Variants in NTPCR observed in about 807,000 individuals in gnomAD.
The protein encoded by NTPCR is nucleoside-triphosphatase, cancer-related, also known as cancer-related nucleoside-triphosphatase.
NTPCR carries 15 observed loss-of-function variants against 19.5 expected under a neutral mutation model. The observed-to-expected ratio is 0.77, with a 90% CI of 0.51 to 1.18. The LOEUF (loss-of-function observed/expected upper bound fraction) is 1.18. NTPCR is among the 50% of genes most tolerant of loss of function. The probability of loss-of-function intolerance (pLI) is 0.00; values close to 1 mark genes in which losing one functional copy is unlikely to be tolerated. For synonymous variants in NTPCR, 90 were observed against 95.8 expected (o/e 0.94, Z 0.36); for missense variants, 206 against 240.4 (o/e 0.86, Z 0.95).
At chr1:232,956,697 AAAGAT>A (rs1668521081) in intron 3 of NTPCR, among the ~76,000 whole-genome samples, 1 of 152,194 alleles carries the variant, frequency 6.6e-6, no homozygotes, top group African/African-American at 2.4e-5. Flanking sequence ...CAACATTCCC[AAAGAT>A]AAGTCTTTCC....
chr1:232,965,279 G>T (rs1441849501), intron 3 of NTPCR: 2 of 152,236 alleles, frequency 1.3e-5, no homozygotes, highest in African/African-American at 4.8e-5. Context: ...ATCAAAGTGT[G>T]GAGGCGTATT....
In NTPCR at chr1:232,960,113, C is replaced by T. The variant is rs1484825002; in HGVS notation, c.294+3670C>T. Among the ~76,000 whole-genome samples, 3 of 146,658 alleles carry T rather than the reference C, an allele frequency of 2.0e-5. No homozygotes were observed. In the Admixed American group the frequency reaches 2.1e-4, roughly 10 times the overall value. ...GCCCGTGTCCCAGGTACTCAGGAGG[C>T]TGAAGCAGGAGAATCGCTTGAACCC... On this transcript the variant is annotated intron_variant, in intron 3 of 4. Transcript: ENST00000366628.
At chr1:232,951,481 C>G (rs2102733393) in intron 1 of NTPCR, among the ~76,000 whole-genome samples, 2 of 152,042 alleles carry the variant, frequency 1.3e-5, no homozygotes, top group East Asian at 3.9e-4. Context: ...GCTTTTAAAC[C>G]AAGGCGCTAC....
intron 4 of NTPCR, 87 bp downstream of exon 4, chr1:232,970,205 G>A: frequency 9.0e-7 from 1 of 1,116,754 alleles, no homozygotes; most frequent in Non-Finnish European, 1.3e-6. Flanking sequence ...CTTTGGTTTT[G>A]AGTTAACATT....
intron 4 of NTPCR, among the ~76,000 whole-genome samples, chr1:232,971,067 G>A (rs989358431): frequency 1.3e-5 from 2 of 152,230 alleles, no homozygotes; most frequent in African/African-American, 2.4e-5. Flanking sequence ...TGAGCCAGTC[G>A]GAAGGGACTC....
Position 232,983,783 on chromosome 1 carries a change from G to T in NTPCR, c.*5552G>T, listed in dbSNP as rs1669349260. On this transcript the variant is annotated 3_prime_UTR_variant, in exon 5 of 5. Coordinates refer to ENST00000366628, the MANE Select transcript of NTPCR (RefSeq NM_032324.3). ...AGAAATAGGGTTTTCTTGACACTTA[G>T]ATTTAACCTTAATGCATCTGCCCAG... 6.6e-6 allele frequency: 1 copy of T among 152,188 alleles called. No individual in the cohort carries two copies. The highest frequency in any genetic ancestry group is 1.5e-5 in the Non-Finnish European group (1 of 68,034). The allele number at this position is 152,188 out of a possible 1,614,324, so 9.4% of individuals were successfully genotyped here.
At chr1:232,960,638 A>AC (rs1668644052) in intron 3 of NTPCR, among the ~76,000 whole-genome samples, 1 of 152,104 alleles carries the variant, frequency 6.6e-6, no homozygotes, top group African/African-American at 2.4e-5. Context: ...CACTGTGCCT[A>AC]GCCTGGTTAC....
chr1:232,965,150 GT>G (rs1241435417), intron 3 of NTPCR: 2 of 152,132 alleles, frequency 1.3e-5, no homozygotes, highest in African/African-American at 4.8e-5. Context: ...ATAAATTGAG[GT>G]TTTGTGCCTA....
At chr1:232,971,764 G>A (rs1488373321) in intron 4 of NTPCR, among the ~76,000 whole-genome samples, 1 of 152,174 alleles carries the variant, frequency 6.6e-6, no homozygotes, top group African/African-American at 2.4e-5. Context: ...GTTGGGGGCA[G>A]GAGTAGCAAG....
rs1311714043 is a variant in NTPCR at position 232,980,762 on chromosome 1, TC to T, written c.*2535del. 3 of 151,996 alleles carry T rather than the reference TC, an allele frequency of 2.0e-5. No individual in the cohort carries two copies. Among genetic ancestry groups the T allele is most frequent in the African/African-American group, 4.8e-5 (2 of 41,330 alleles). The allele number at this position is 151,996 out of a possible 1,614,324, so 9.4% of individuals were successfully genotyped here. A position where few individuals can be genotyped will look rare whatever the true frequency, so the allele number is the denominator to read the frequency against. ...GCCGTGGCAGAACTCCACGTGACCG[TC>T]CCCTCCCTGCACGCAGCCAGGATGA... is the stretch of plus-strand genomic sequence containing the variant. On this transcript the variant is annotated 3_prime_UTR_variant, in exon 5 of 5. Coordinates refer to ENST00000366628, the MANE Select transcript of NTPCR (RefSeq NM_032324.3).
intron 4 of NTPCR, chr1:232,977,400 T>C (rs1272664798): frequency 6.6e-6 from 1 of 152,260 alleles, no homozygotes; most frequent in Non-Finnish European, 1.5e-5. Flanking sequence ...CAGCGTGTGT[T>C]GAGTGGATGG....
At position 232,983,515 on chromosome 1, in the gene NTPCR, A is replaced by G. The variant is rs12340; in HGVS notation, c.*5284A>G. ...GTAAGGGTTGCGGGGCTTGGAGAAC[A>G]AGCACGCGTCCCTGTGAAGCCCGCA... On this transcript the variant is annotated 3_prime_UTR_variant, in exon 5 of 5. Coordinates refer to ENST00000366628, the MANE Select transcript of NTPCR (RefSeq NM_032324.3). The G allele has an allele frequency of 0.22, 32,842 of 152,216 alleles. 3,561 individuals carry two copies. The highest frequency in any genetic ancestry group is 0.24 in the African/African-American group (9,912 of 41,532). 9.4% of individuals were successfully genotyped at this position (152,216 alleles called of 1,614,324 possible).
intron 4 of NTPCR, among the ~76,000 whole-genome samples, chr1:232,975,471 G>C (rs537615770): frequency 4.6e-5 from 7 of 152,328 alleles, no homozygotes; most frequent in African/African-American, 1.7e-4. Flanking sequence ...CATGGATGGA[G>C]CAGGCAGGGG....
At chr1:232,961,855 GT>G (rs984656283) in intron 3 of NTPCR, 1 of 152,048 alleles carries the variant, frequency 6.6e-6, no homozygotes, top group Non-Finnish European at 1.5e-5. Context: ...TTTCTAATTA[GT>G]TTTTTATGCT....
intron 4 of NTPCR, among the ~76,000 whole-genome samples, chr1:232,970,416 T>A (rs1668943784): frequency 6.6e-6 from 1 of 152,238 alleles, no homozygotes; most frequent in South Asian, 2.1e-4. Flanking sequence ...TGAGCTAAGG[T>A]GCTTGTTCTA....
chr1:232,974,101 A>G (rs1558134902), intron 4 of NTPCR, among the ~76,000 whole-genome samples: 1 of 152,222 alleles, frequency 6.6e-6, no homozygotes, highest in South Asian at 2.1e-4. Flanking sequence ...ATGCCAAGAC[A>G]TACCATAGTC....
intron 3 of NTPCR, chr1:232,965,585 C>G (rs929761907): frequency 6.6e-6 from 1 of 152,410 alleles, no homozygotes; most frequent in Non-Finnish European, 1.5e-5. Context: ...AGGAGCCTCC[C>G]TTCACAATTT....
intron 3 of NTPCR, among the ~76,000 whole-genome samples, chr1:232,961,579 T>G (rs1472504885): frequency 6.6e-6 from 1 of 152,248 alleles, no homozygotes; most frequent in East Asian, 1.9e-4. Flanking sequence ...ATAAAGCAGA[T>G]AGCCTTTTTA....
intron 4 of NTPCR, among the ~76,000 whole-genome samples, chr1:232,970,960 C>G (rs1668959036): frequency 6.6e-6 from 1 of 152,190 alleles, no homozygotes; most frequent in African/African-American, 2.4e-5. Context: ...CTGGCAAGTT[C>G]TCATGTGGTT....
Sources: gnomAD v4.1 joint callset for allele counts (sites outside exome capture counted in the v4.1 genomes callset) on GRCh38, gnomAD v4.1.1 for gene constraint, MANE v1.5 for transcripts, NCBI Gene and HGNC (gene_info 2026-07-23, HGNC 2026-07-21) for gene names.